Variants in TYW1 observed in about 807,000 individuals in gnomAD.
TYW1 encodes S-adenosyl-L-methionine-dependent tRNA 4-demethylwyosine synthase TYW1.
In TYW1, 46 loss-of-function variants were observed where a neutral mutation model predicts 96.2. The ratio of observed to expected loss-of-function variants is 0.48; its 90% CI spans 0.38 to 0.61. TYW1 has a LOEUF of 0.61. Among genes scored for constraint, TYW1 ranks in the 20% least tolerant of loss-of-function variants. TYW1 has a pLI of 0.00. For missense variants in TYW1, 684 were observed against 909.6 expected, an observed-to-expected ratio of 0.75 and a Z score of 3.19; for synonymous variants, 274 against 323.0, an observed-to-expected ratio of 0.85 and a Z score of 1.63.
At chr7:67,049,357 C>T (rs1262158243) in intron 7 of TYW1, among the ~76,000 whole-genome samples, 2 of 152,022 alleles carry the variant, frequency 1.3e-5, no homozygotes, top group Non-Finnish European at 2.9e-5. Flanking sequence ...ATGTTTGACA[C>T]TTAGATAAGT....
rs1437057419 is a variant in TYW1 at position 67,157,962 on chromosome 7, T to TAAAAC, written c.1699-25164_1699-25163insAAAAC. On this transcript the variant is annotated intron_variant, in intron 13 of 15. Transcript: ENST00000359626. Reference sequence around the variant, plus strand: ...CTGTGATTTTGATTAGTAAAGACTGTTATGTTTTAGGGGGAAAGTATGCAC... The same window carrying TAAAAC: ...CTGTGATTTTGATTAGTAAAGACTGTAAAACTATGTTTTAGGGGGAAAGTATGCAC... Among the ~76,000 whole-genome samples the TAAAAC allele has an allele frequency of 1.4e-4, 21 of 152,302 alleles. 1 individual carries two copies. The East Asian group carries it at 4.0e-3, about 29-fold the overall frequency.
chr7:67,063,574 T>C (rs1420820300), intron 9 of TYW1, among the ~76,000 whole-genome samples: 1 of 151,696 alleles, frequency 6.6e-6, no homozygotes, highest in African/African-American at 2.4e-5. Flanking sequence ...GGTTACAGGA[T>C]ACAATATCAA....
chr7:67,235,881 G>A (rs1167148215), intron 15 of TYW1, among the ~76,000 whole-genome samples: 20 of 131,534 alleles, frequency 1.5e-4, no homozygotes, highest in East Asian at 4.2e-4. Context: ...GAGACAGAGC[G>A]AGACTCTGTC....
chr7:67,238,340 C>T lies in TYW1; in HGVS notation c.2010C>T (p.Ile670=), dbSNP rs564115547. ...TTGGTGGTGAATGGTGGACATGGAT[C>T]GATTATAACCGCTTCCAGGAGCTCA... ...FKIGGEWWTW[I]DYNRFQELIQ... is the part of the protein sequence containing the mutation. The change falls in exon 16 of 16, where the codon ATC becomes ATT. Residue 670 remains isoleucine, a synonymous_variant. Transcript: ENST00000359626. The T allele has an allele frequency of 1.3e-4, 211 of 1,611,186 alleles. No individual in the cohort carries two copies. The East Asian group carries it at 3.9e-3, about 30-fold the overall frequency.
intron 3 of TYW1, among the ~76,000 whole-genome samples, chr7:67,007,974 T>A (rs1181587237): frequency 6.6e-6 from 1 of 152,112 alleles, no homozygotes; most frequent in Non-Finnish European, 1.5e-5. Flanking sequence ...TGCTTACTAT[T>A]GGGAGTTATC....
intron 11 of TYW1, among the ~76,000 whole-genome samples, chr7:67,095,530 C>T (rs952788127): frequency 6.6e-5 from 10 of 151,400 alleles, no homozygotes; most frequent in Non-Finnish European, 1.2e-4. Context: ...TGGTGGTGTG[C>T]GCCTGTAATC....
At chr7:67,028,274 G>GC (rs1794525262) in intron 7 of TYW1, among the ~76,000 whole-genome samples, 1 of 150,320 alleles carries the variant, frequency 6.7e-6, no homozygotes, top group Non-Finnish European at 1.5e-5. Flanking sequence ...CTGTCCAGGT[G>GC]CCGTGGCTCA....
At chr7:67,166,760 C>G (rs574041948) in intron 13 of TYW1, among the ~76,000 whole-genome samples, 188 of 152,098 alleles carry the variant, frequency 1.2e-3, no homozygotes, top group African/African-American at 4.3e-3. Flanking sequence ...TTATTCCTTC[C>G]ACTATTGAGG....
At chr7:67,225,955 GC>G (rs1246572805) in intron 15 of TYW1, among the ~76,000 whole-genome samples, 1 of 150,864 alleles carries the variant, frequency 6.6e-6, no homozygotes, top group Non-Finnish European at 1.5e-5. Context: ...TCACAAGTCT[GC>G]CCTTGTGATC....
chr7:67,183,745 TATATC>T (rs1375162095), intron 14 of TYW1, among the ~76,000 whole-genome samples: 1 of 152,198 alleles, frequency 6.6e-6, no homozygotes, highest in Non-Finnish European at 1.5e-5. Flanking sequence ...CCACCAAAAT[TATATC>T]ATTTACCCAG....
At chr7:67,044,896 A>G (rs1473458892) in intron 7 of TYW1, among the ~76,000 whole-genome samples, 3 of 152,228 alleles carry the variant, frequency 2.0e-5, no homozygotes, top group Admixed American at 1.3e-4. Context: ...CTAGGATTAC[A>G]GACGTGAGCC....
At chr7:67,208,157 A>G (rs1381527079) in intron 15 of TYW1, among the ~76,000 whole-genome samples, 1 of 151,812 alleles carries the variant, frequency 6.6e-6, no homozygotes, top group South Asian at 2.1e-4. Context: ...ATGAAACCCC[A>G]TCTCTACAAA....
intron 12 of TYW1, among the ~76,000 whole-genome samples, chr7:67,101,555 G>A (rs539494851): frequency 2.6e-5 from 4 of 151,888 alleles, no homozygotes; most frequent in East Asian, 3.9e-4. Context: ...TAGCTTTGTC[G>A]CCCAGGCTGG....
rs36007120 is a variant in TYW1 at position 67,047,783 on chromosome 7, A to ATTTTT, written c.985-2144_985-2140dup. The stretch of plus-strand genomic sequence containing the variant: ...TTTCACTTACTTTCTGTGAGTGTCA[A>ATTTTT]TTTTTTTTTTTTTTTTTTTTTTTTT... On this transcript the variant is annotated intron_variant, in intron 7 of 15. Coordinates refer to ENST00000359626, the MANE Select transcript of TYW1 (RefSeq NM_018264.4). Among the ~76,000 whole-genome samples the ATTTTT allele has an allele frequency of 8.3e-3, 666 of 79,894 alleles. 44 individuals are homozygous for ATTTTT. The highest frequency in any genetic ancestry group is 0.019 in the African/African-American group (404 of 21,412). The allele number at this position is 79,894 out of a possible 152,430, so 52.4% of individuals were successfully genotyped here. A position where few individuals can be genotyped will look rare whatever the true frequency, so the allele number is the denominator to read the frequency against.
intron 13 of TYW1, among the ~76,000 whole-genome samples, chr7:67,159,091 A>G (rs1799076385): frequency 6.6e-6 from 1 of 151,878 alleles, no homozygotes; most frequent in African/African-American, 2.4e-5. Context: ...TTGTTTTTCT[A>G]CTTTCCTAAA....
intron 7 of TYW1, among the ~76,000 whole-genome samples, chr7:67,025,241 A>G (rs1049381410): frequency 1.3e-5 from 2 of 151,904 alleles, no homozygotes; most frequent in African/African-American, 4.8e-5. Flanking sequence ...TAAGCAGGAG[A>G]TTTGAGAACA....
intron 8 of TYW1, 36 bp from the exon 9 acceptor site, chr7:67,055,798 AT>A (rs1795496309): frequency 6.5e-7 from 1 of 1,543,300 alleles, no homozygotes. Flanking sequence ...GACGCTTTGG[AT>A]CAGTCCAACT....
At chr7:67,186,763 G>T (rs1800038074) in intron 14 of TYW1, among the ~76,000 whole-genome samples, 1 of 152,120 alleles carries the variant, frequency 6.6e-6, no homozygotes, top group Non-Finnish European at 1.5e-5. Flanking sequence ...AAAGTGCTGG[G>T]ATTACAGACA....
intron 9 of TYW1, among the ~76,000 whole-genome samples, chr7:67,060,238 A>G (rs777833643): frequency 1.3e-5 from 2 of 149,726 alleles, no homozygotes; most frequent in African/African-American, 2.5e-5. Flanking sequence ...ACCACTCCCA[A>G]CTAATTTTTA....
Sources: allele counts gnomAD v4.1 joint callset (sites outside exome capture counted in the v4.1 genomes callset), GRCh38; gene constraint gnomAD v4.1.1; transcripts MANE v1.5; gene names NCBI Gene and HGNC (gene_info 2026-07-23, HGNC 2026-07-21).